Variants in MKLN1 observed in about 807,000 individuals in gnomAD.
The protein encoded by MKLN1 is muskelin 1.
In MKLN1, 18 loss-of-function variants were observed where a neutral mutation model predicts 99.0. The ratio of observed to expected loss-of-function variants is 0.18; its 90% CI spans 0.13 to 0.27. MKLN1 has a LOEUF of 0.27. Among genes scored for constraint, MKLN1 ranks in the 10% least tolerant of loss-of-function variants. MKLN1 has a pLI of 1.00. For synonymous variants in MKLN1, 288 were observed against 293.2 expected, an observed-to-expected ratio of 0.98 and a Z score of 0.18; for missense variants, 621 against 875.9, an observed-to-expected ratio of 0.71 and a Z score of 3.67.
chr7:131,128,825 C>G (rs908388337), intron 1 of MKLN1, among the ~76,000 whole-genome samples: 3 of 151,218 alleles, frequency 2.0e-5, no homozygotes, highest in African/African-American at 7.3e-5. Flanking sequence ...GTCTCGAACT[C>G]CTGGACTCAG....
At position 131,392,236 on chromosome 7, in the gene MKLN1, T is replaced by C. The variant is rs542294215; in HGVS notation, c.400+3264T>C. Among the ~76,000 whole-genome samples the C allele has an allele frequency of 8.5e-5, 13 of 152,124 alleles. No homozygotes were observed. In the East Asian group the frequency reaches 2.5e-3, roughly 29 times the overall value. ...TCTTGGAAGGATTCAGGGGGAGTCT[T>C]GGTTTTTGGTAAATGGAGAGATGTG... On this transcript the variant is annotated intron_variant, in intron 4 of 17. Coordinates refer to ENST00000352689, the MANE Select transcript of MKLN1 (RefSeq NM_013255.5).
chr7:131,154,102 A>G (rs961904792), intron 2 of MKLN1, among the ~76,000 whole-genome samples: 7 of 152,248 alleles, frequency 4.6e-5, no homozygotes, highest in Admixed American at 3.9e-4. Context: ...ACATACACGC[A>G]TATATGCATG....
rs1798271247 is a variant in MKLN1 at position 131,295,085 on chromosome 7, G to A, written c.-178-80339G>A. ...ACAGGGGAATTCAAATCAAGCTCTG[G>A]TGCATTAAAATGGCAACTGCAAAGA... On this transcript the variant is annotated intron_variant, in intron 3 of 7. Coordinates refer to the MKLN1 transcript ENST00000416992. 1.3e-5 allele frequency among the ~76,000 whole-genome samples: 2 copies of A among 152,130 alleles called. 1 individual carries two copies. Among genetic ancestry groups the A allele is most frequent in the South Asian group, 4.1e-4 (2 of 4,832 alleles).
intron 3 of MKLN1, among the ~76,000 whole-genome samples, chr7:131,279,940 G>A (rs1302074948): frequency 1.3e-5 from 2 of 151,922 alleles, no homozygotes; most frequent in East Asian, 1.9e-4. Context: ...ATACCCATCA[G>A]CAGCCATTCC....
At chr7:131,465,477 A>G (rs1796632341) in intron 14 of MKLN1, among the ~76,000 whole-genome samples, 1 of 152,190 alleles carries the variant, frequency 6.6e-6, no homozygotes, top group African/African-American at 2.4e-5. Flanking sequence ...TTTTAATGTT[A>G]TTTCACAAAT....
chr7:131,144,833 C>T (rs1795793979), intron 2 of MKLN1, among the ~76,000 whole-genome samples: 1 of 152,140 alleles, frequency 6.6e-6, no homozygotes, highest in African/African-American at 2.4e-5. Context: ...CAAAATTAGC[C>T]AGGCGTGGTG....
intron 2 of MKLN1, among the ~76,000 whole-genome samples, chr7:131,168,971 A>G (rs2116329745): frequency 6.6e-6 from 1 of 151,846 alleles, no homozygotes; most frequent in Middle Eastern, 3.4e-3. Context: ...GGGTTCAAGC[A>G]ATTCGTGTGC....
At chr7:131,425,985 A>G (rs954149986) in intron 8 of MKLN1, among the ~76,000 whole-genome samples, 5 of 152,226 alleles carry the variant, frequency 3.3e-5, no homozygotes, top group African/African-American at 1.2e-4. Context: ...TTTGTTACGC[A>G]TTTTCATTCA....
chr7:131,227,813 G>C (rs6972248), intron 3 of MKLN1, among the ~76,000 whole-genome samples: 10 of 152,010 alleles, frequency 6.6e-5, no homozygotes, highest in African/African-American at 2.4e-4. Flanking sequence ...GAATCTGCCC[G>C]CCTCAGCCTC....
intron 2 of MKLN1, among the ~76,000 whole-genome samples, chr7:131,145,327 C>T (rs992825003): frequency 5.3e-5 from 8 of 152,178 alleles, no homozygotes; most frequent in African/African-American, 1.9e-4. Flanking sequence ...CTTACAGCTA[C>T]ACACGGCACG....
chr7:131,227,388 T>A (rs1034073206), intron 3 of MKLN1, among the ~76,000 whole-genome samples: 2 of 151,710 alleles, frequency 1.3e-5, no homozygotes, highest in South Asian at 2.1e-4. Flanking sequence ...TTCTTTTTTT[T>A]CTTTCTTTCT....
In MKLN1 at chr7:131,117,467, C is replaced by T. The variant is rs189121586; in HGVS notation, c.-419+7260C>T. 5.6e-3 allele frequency among the ~76,000 whole-genome samples: 843 copies of T among 150,892 alleles called. 7 individuals carry two copies. Among genetic ancestry groups the T allele is most frequent in the Middle Eastern group, 0.01 (3 of 294 alleles). ...AACAACAACAACAACAACAAACAAA[C>T]AAACAAAGAAAAAATAAAAAACAGG... On this transcript the variant is annotated intron_variant, in intron 1 of 7. Coordinates refer to the MKLN1 transcript ENST00000416992.
chr7:131,231,264 C>T (rs1797240276), intron 3 of MKLN1, among the ~76,000 whole-genome samples: 1 of 151,442 alleles, frequency 6.6e-6, no homozygotes, highest in Admixed American at 6.6e-5. Context: ...AGAGTTGATA[C>T]TTAGGAACTG....
intron 3 of MKLN1, among the ~76,000 whole-genome samples, chr7:131,225,485 T>G (rs6967528): frequency 0.1 from 15,202 of 152,168 alleles, 883 homozygotes; most frequent in Middle Eastern, 0.14. Context: ...CCTCATATTT[T>G]TATATGCATC....
At chr7:131,225,021 C>T (rs1257482804) in intron 3 of MKLN1, among the ~76,000 whole-genome samples, 1 of 148,238 alleles carries the variant, frequency 6.7e-6, no homozygotes, top group Non-Finnish European at 1.5e-5. Flanking sequence ...TGCAATGAGC[C>T]AAGATCGTGC....
chr7:131,292,319 T>C (rs1269625564), intron 3 of MKLN1, among the ~76,000 whole-genome samples: 1 of 152,118 alleles, frequency 6.6e-6, no homozygotes, highest in Non-Finnish European at 1.5e-5. Flanking sequence ...ATGATGATGC[T>C]TAAGAAAAAC....
intron 1 of MKLN1, among the ~76,000 whole-genome samples, chr7:131,357,075 T>C (rs748407862): frequency 1.3e-5 from 2 of 152,248 alleles, no homozygotes; most frequent in African/African-American, 2.4e-5. Flanking sequence ...ATGCTCTGTT[T>C]CTTAGAATTA....
chr7:131,158,179 C>T (rs1378050762), intron 2 of MKLN1, among the ~76,000 whole-genome samples: 1 of 152,184 alleles, frequency 6.6e-6, no homozygotes, highest in Non-Finnish European at 1.5e-5. Context: ...GGCGCTCAAG[C>T]CTGTAATCCC....
intron 2 of MKLN1, among the ~76,000 whole-genome samples, chr7:131,192,140 TATAC>T (rs367896051): frequency 1.4e-5 from 1 of 73,314 alleles, no homozygotes; most frequent in African/African-American, 5.7e-5. Flanking sequence ...TAAAAATATA[TATAC>T]GTATATATAC....
Sources: gnomAD v4.1 joint callset for allele counts (sites outside exome capture counted in the v4.1 genomes callset) on GRCh38, gnomAD v4.1.1 for gene constraint, MANE v1.5 for transcripts, NCBI Gene and HGNC (gene_info 2026-07-23, HGNC 2026-07-21) for gene names.